TRIQK: variants seen among roughly 807,000 people sequenced by gnomAD.
TRIQK encodes triple QxxK/R motif-containing protein.
TRIQK carries 10 observed loss-of-function variants against 10.8 expected under a neutral mutation model. That is an observed-to-expected ratio of 0.92 (90% confidence interval 0.57 to 1.57). TRIQK has a LOEUF of 1.57. Among genes scored for constraint, TRIQK ranks in the 40% most tolerant of loss-of-function variants. TRIQK has a pLI of 0.00. For missense variants in TRIQK, 107 were observed against 97.7 expected, an observed-to-expected ratio of 1.09 and a Z score of -0.40; for synonymous variants, 33 against 33.7, an observed-to-expected ratio of 0.98 and a Z score of 0.07.
intron 1 of TRIQK, among the ~76,000 whole-genome samples, chr8:92,982,583 G>C (rs898208052): frequency 6.6e-6 from 1 of 151,906 alleles, no homozygotes. Context: ...TCTTGTCCTG[G>C]AACATTGGCC....
intron 1 of TRIQK, among the ~76,000 whole-genome samples, chr8:92,994,408 T>A (rs1813130244): frequency 6.6e-6 from 1 of 151,966 alleles, no homozygotes; most frequent in Non-Finnish European, 1.5e-5. Flanking sequence ...AAAAATTTAT[T>A]TGTTTCAAAT....
In TRIQK at chr8:92,895,886, A is replaced by G. The variant is rs192607878; in HGVS notation, c.62-3812T>C. Among the ~76,000 whole-genome samples the G allele has an allele frequency of 1.5e-3, 224 of 152,266 alleles. 1 individual carries two copies. The highest frequency in any genetic ancestry group is 5.0e-3 in the African/African-American group (207 of 41,558). On this transcript the variant is annotated intron_variant, in intron 3 of 4. Coordinates refer to ENST00000521988, the MANE Select transcript of TRIQK (RefSeq NM_001171797.2). ...ACAATTAAAAGAGAAACAGGAGGAA[A>G]AGATTTATAAAACTCTCAGCCTGGC...
intron 1 of TRIQK, among the ~76,000 whole-genome samples, chr8:93,017,210 C>T (rs1174152042): frequency 6.7e-6 from 1 of 149,100 alleles, no homozygotes; most frequent in East Asian, 2.0e-4. Flanking sequence ...AGCTATTGCT[C>T]TGGGGAGAGT....
intron 2 of TRIQK, among the ~76,000 whole-genome samples, chr8:92,939,765 G>T (rs547955166): frequency 1.3e-5 from 2 of 152,152 alleles, no homozygotes; most frequent in East Asian, 3.9e-4. Flanking sequence ...TGCTTGATCC[G>T]AGAGGTCAAA....
chr8:92,956,297 A>G (rs1453432992), intron 1 of TRIQK, among the ~76,000 whole-genome samples: 2 of 151,838 alleles, frequency 1.3e-5, no homozygotes, highest in African/African-American at 2.4e-5. Context: ...CACTTAATAC[A>G]TAACTTTTAT....
At chr8:92,926,718 A>C (rs1810466842) in intron 2 of TRIQK, among the ~76,000 whole-genome samples, 2 of 152,232 alleles carry the variant, frequency 1.3e-5, no homozygotes, top group African/African-American at 2.4e-5. Context: ...TATACATAAG[A>C]CTTGAGGTCT....
intron 1 of TRIQK, among the ~76,000 whole-genome samples, chr8:92,958,673 C>T (rs540041242): frequency 1.3e-5 from 2 of 151,950 alleles, no homozygotes; most frequent in South Asian, 4.1e-4. Flanking sequence ...GTAAGTCAAA[C>T]ACTGAAGGGC....
chr8:92,908,524 A>G (rs552307071), intron 3 of TRIQK, among the ~76,000 whole-genome samples: 9 of 152,208 alleles, frequency 5.9e-5, no homozygotes, highest in African/African-American at 2.2e-4. Flanking sequence ...TTATTCCTCA[A>G]TTCATTGTCT....
intron 2 of TRIQK, among the ~76,000 whole-genome samples, chr8:92,933,099 G>A (rs1810816256): frequency 6.6e-6 from 1 of 152,018 alleles, no homozygotes; most frequent in South Asian, 2.1e-4. Flanking sequence ...GGCCTTCTAA[G>A]GAGAGAGAGC....
chr8:92,959,829 G>T (rs1168498859), intron 1 of TRIQK, among the ~76,000 whole-genome samples: 1 of 152,054 alleles, frequency 6.6e-6, no homozygotes, highest in Non-Finnish European at 1.5e-5. Context: ...ATCAGGGACG[G>T]ACTGTATACG....
intron 2 of TRIQK, among the ~76,000 whole-genome samples, chr8:92,944,840 T>C (rs975103588): frequency 2.6e-5 from 4 of 152,144 alleles, no homozygotes; most frequent in African/African-American, 9.7e-5. Flanking sequence ...TATTTTAAAA[T>C]AGGAGAATTT....
chr8:92,953,212 G>C (rs1811997679), intron 2 of TRIQK, among the ~76,000 whole-genome samples: 1 of 151,930 alleles, frequency 6.6e-6, no homozygotes, highest in African/African-American at 2.4e-5. Flanking sequence ...CTATACTCCT[G>C]AAGGTAGGAA....
intron 3 of TRIQK, among the ~76,000 whole-genome samples, chr8:92,902,608 G>A (rs1200478433): frequency 6.6e-6 from 1 of 152,064 alleles, no homozygotes; most frequent in East Asian, 1.9e-4. Flanking sequence ...GTTCAGTTTG[G>A]TGTTCCTGTG....
chr8:92,987,068 T>C (rs1586523263), intron 1 of TRIQK, among the ~76,000 whole-genome samples: 1 of 152,218 alleles, frequency 6.6e-6, no homozygotes, highest in East Asian at 1.9e-4. Context: ...ATGTAAATTG[T>C]CTTTCAGAAT....
At chr8:92,956,279 C>T (rs1364306474) in intron 1 of TRIQK, among the ~76,000 whole-genome samples, 1 of 151,646 alleles carries the variant, frequency 6.6e-6, no homozygotes, top group Non-Finnish European at 1.5e-5. Flanking sequence ...AAGTCAGTCA[C>T]AAAAGTCCAC....
chr8:92,965,425 T>A (rs1194695873), intron 1 of TRIQK: 1 of 152,108 alleles, frequency 6.6e-6, no homozygotes, highest in Non-Finnish European at 1.5e-5. Context: ...CCTGTCTGAA[T>A]CTCTTCTCTG....
At chr8:93,009,040 T>A (rs1252972360) in intron 1 of TRIQK, among the ~76,000 whole-genome samples, 1 of 152,138 alleles carries the variant, frequency 6.6e-6, no homozygotes, top group Non-Finnish European at 1.5e-5. Flanking sequence ...ACAATATGGA[T>A]AACAGAAGAA....
intron 3 of TRIQK, among the ~76,000 whole-genome samples, chr8:92,912,372 G>GA (rs1456506053): frequency 6.6e-6 from 1 of 151,600 alleles, no homozygotes; most frequent in African/African-American, 2.4e-5. Context: ...GTTTTGAAAG[G>GA]AATGAAAATG....
chr8:92,936,527 T>C (rs1395354895), intron 2 of TRIQK, among the ~76,000 whole-genome samples: 1 of 151,500 alleles, frequency 6.6e-6, no homozygotes, highest in African/African-American at 2.4e-5. Context: ...AAAAGAACTT[T>C]TTACCCTGTT....
Sources: gnomAD v4.1 joint callset for allele counts (sites outside exome capture counted in the v4.1 genomes callset) on GRCh38, gnomAD v4.1.1 for gene constraint, MANE v1.5 for transcripts, NCBI Gene and HGNC (gene_info 2026-07-23, HGNC 2026-07-21) for gene names.